Variants in RBFOX1 observed in about 807,000 individuals in gnomAD.
The protein encoded by RBFOX1 is RNA binding protein fox-1 homolog 1.
Under a neutral mutation model 57.7 loss-of-function variants are expected in RBFOX1, and 8 were observed. That is an observed-to-expected ratio of 0.14 (90% confidence interval 0.08 to 0.25). The LOEUF is 0.25. Among genes scored for constraint, RBFOX1 ranks in the 10% least tolerant of loss-of-function variants. The pLI, the probability that RBFOX1 is intolerant of heterozygous loss-of-function variation, is 1.00. For missense variants in RBFOX1, 611 were observed against 548.5 expected (o/e 1.11, Z -1.14); for synonymous variants, 326 against 222.4 (o/e 1.47, Z -4.15).
At chr16:5,446,985 T>G (rs758046641) in intron 1 of RBFOX1, among the ~76,000 whole-genome samples, 4 of 152,168 alleles carry the variant, frequency 2.6e-5, no homozygotes, top group Non-Finnish European at 5.9e-5. Context: ...GTCAATGGGA[T>G]AAGTGATCTG....
intron 1 of RBFOX1, among the ~76,000 whole-genome samples, chr16:6,036,504 C>T (rs1306971350): frequency 6.6e-6 from 1 of 151,866 alleles, no homozygotes; most frequent in East Asian, 1.9e-4. Flanking sequence ...TATGCAAATA[C>T]CTATCACTTA....
chr16:7,339,866 C>G (rs931876193), intron 4 of RBFOX1, among the ~76,000 whole-genome samples: 1 of 152,210 alleles, frequency 6.6e-6, no homozygotes, highest in African/African-American at 2.4e-5. Flanking sequence ...TTTTGACAAG[C>G]CAAGGGCTGT....
At chr16:7,687,723 ACTG>A (rs1460079494) in intron 14 of RBFOX1, among the ~76,000 whole-genome samples, 2 of 152,210 alleles carry the variant, frequency 1.3e-5, no homozygotes, top group South Asian at 2.1e-4. Context: ...AATTATAACT[ACTG>A]TAATTAGTAT....
At chr16:7,681,741 G>C (rs963640208) in intron 14 of RBFOX1, among the ~76,000 whole-genome samples, 1 of 151,874 alleles carries the variant, frequency 6.6e-6, no homozygotes, top group African/African-American at 2.4e-5. Context: ...CCATGGGATA[G>C]GATATAGTTT....
intron 1 of RBFOX1, among the ~76,000 whole-genome samples, chr16:5,267,767 C>T (rs546331811): frequency 1.1e-3 from 173 of 152,288 alleles, no homozygotes; most frequent in Non-Finnish European, 2.1e-3. Context: ...TGTGTCAGAA[C>T]TTGCCAGGTG....
intron 2 of RBFOX1, among the ~76,000 whole-genome samples, chr16:6,574,422 C>G (rs376120147): frequency 1.0e-5 from 1 of 96,526 alleles, no homozygotes; most frequent in African/African-American, 3.5e-5. Context: ...TCCGTATCTT[C>G]TATTTTTTTT....
At chr16:7,174,957 A>G (rs1412449951) in intron 4 of RBFOX1, among the ~76,000 whole-genome samples, 1 of 152,200 alleles carries the variant, frequency 6.6e-6, no homozygotes, top group Non-Finnish European at 1.5e-5. Context: ...ATGTGGTGAT[A>G]TCTCATCATC....
chr16:6,252,828 A>G (rs1364414321), intron 1 of RBFOX1, among the ~76,000 whole-genome samples: 1 of 152,192 alleles, frequency 6.6e-6, no homozygotes, highest in Non-Finnish European at 1.5e-5. Flanking sequence ...CATTCTGAAC[A>G]TGTTGCTGTT....
chr16:6,620,427 A>G (rs1441881389), intron 2 of RBFOX1, among the ~76,000 whole-genome samples: 1 of 152,218 alleles, frequency 6.6e-6, no homozygotes, highest in Non-Finnish European at 1.5e-5. Flanking sequence ...TAACAACACA[A>G]TTAAAAGAAC....
intron 1 of RBFOX1, among the ~76,000 whole-genome samples, chr16:6,296,340 C>T (rs2078099270): frequency 6.6e-6 from 1 of 152,134 alleles, no homozygotes; most frequent in African/African-American, 2.4e-5. Context: ...CTCTAGCAGC[C>T]TCACTATACT....
rs1378405539 is a variant in RBFOX1, at chr16:7,333,070, C to A, written c.28-185077C>A. On this transcript the variant is annotated intron_variant, in intron 4 of 15. Transcript: ENST00000550418. ...CTATGATTGTACCGGCAGCTCCTTACCTTCCTGGACTGATTCAGGTAATTC... is the reference window on the plus strand; with the variant it reads ...CTATGATTGTACCGGCAGCTCCTTAACTTCCTGGACTGATTCAGGTAATTC... The A allele has an allele frequency of 2.5e-6, 4 of 1,613,880 alleles. No homozygotes were observed. Among genetic ancestry groups the A allele is most frequent in the Non-Finnish European group, 2.5e-6 (3 of 1,179,854 alleles).
intron 3 of RBFOX1, among the ~76,000 whole-genome samples, chr16:6,901,018 C>T (rs34369620): frequency 0.19 from 29,238 of 152,098 alleles, 2,985 homozygotes; most frequent in East Asian, 0.28. Flanking sequence ...ATATCCCTCC[C>T]ATTCACCGAC....
At chr16:6,507,864 T>C (rs959575216) in intron 2 of RBFOX1, among the ~76,000 whole-genome samples, 8 of 151,978 alleles carry the variant, frequency 5.3e-5, no homozygotes, top group Non-Finnish European at 1.0e-4. Flanking sequence ...GGGTAGAGAT[T>C]TCAGATTTGC....
intron 3 of RBFOX1, among the ~76,000 whole-genome samples, chr16:5,755,366 C>G (rs2053355850): frequency 6.6e-6 from 1 of 152,150 alleles, no homozygotes; most frequent in Non-Finnish European, 1.5e-5. Flanking sequence ...ATTCTGGCAA[C>G]TGAGTGAGGG....
At chr16:6,214,941 G>A (rs540365713) in intron 1 of RBFOX1, among the ~76,000 whole-genome samples, 139 of 116,774 alleles carry the variant, frequency 1.2e-3, no homozygotes, top group Non-Finnish European at 2.2e-3. Context: ...AGAGGGACAG[G>A]GAGAGAGGGA....
At chr16:6,489,118 C>A (rs958014615) in intron 2 of RBFOX1, among the ~76,000 whole-genome samples, 2 of 151,868 alleles carry the variant, frequency 1.3e-5, no homozygotes, top group African/African-American at 4.8e-5. Flanking sequence ...TATTTTTTTC[C>A]AATTTACTTA....
chr16:5,269,516 C>T (rs2151118870), intron 1 of RBFOX1, among the ~76,000 whole-genome samples: 1 of 152,346 alleles, frequency 6.6e-6, no homozygotes, highest in African/African-American at 2.4e-5. Context: ...TGTCTACCCA[C>T]ATGGTGGAAT....
chr16:6,083,536 G>A (rs750045608), intron 1 of RBFOX1, among the ~76,000 whole-genome samples: 1 of 151,916 alleles, frequency 6.6e-6, no homozygotes, highest in Non-Finnish European at 1.5e-5. Context: ...GAGGGCAGTG[G>A]CACAGTCACA....
intron 3 of RBFOX1, among the ~76,000 whole-genome samples, chr16:5,744,854 T>A (rs997321231): frequency 7.9e-5 from 12 of 152,072 alleles, no homozygotes; most frequent in African/African-American, 2.9e-4. Context: ...GCCTCCCGGG[T>A]TCAAACAATT....
Sources: allele counts gnomAD v4.1 joint callset (sites outside exome capture counted in the v4.1 genomes callset), GRCh38; gene constraint gnomAD v4.1.1; transcripts MANE v1.5; gene names NCBI Gene and HGNC (gene_info 2026-07-23, HGNC 2026-07-21).